RBFOX1: variants seen among roughly 807,000 people sequenced by gnomAD.
The protein encoded by RBFOX1 is RNA binding fox-1 homolog 1, also known as RNA binding protein fox-1 homolog 1.
A neutral mutation model predicts 57.7 loss-of-function variants in RBFOX1; 8 were observed. The ratio of observed to expected loss-of-function variants is 0.14; its 90% CI spans 0.08 to 0.25. The LOEUF is 0.25. Ranked by LOEUF, RBFOX1 falls within the 10% of genes least tolerant of loss-of-function variation. The pLI is 1.00. For missense variants in RBFOX1, 611 were observed against 548.5 expected (o/e 1.11, Z -1.14); for synonymous variants, 326 against 222.4 (o/e 1.47, Z -4.15).
At chr16:7,466,164 A>G (rs1376273497) in intron 4 of RBFOX1, among the ~76,000 whole-genome samples, 2 of 152,222 alleles carry the variant, frequency 1.3e-5, no homozygotes, top group Non-Finnish European at 2.9e-5. Context: ...ATAGGATTCA[A>G]CTGCCAAAAA....
At chr16:6,997,591 A>G (rs994829222) in intron 3 of RBFOX1, among the ~76,000 whole-genome samples, 4 of 152,208 alleles carry the variant, frequency 2.6e-5, no homozygotes, top group African/African-American at 9.6e-5. Flanking sequence ...GATACAAAAG[A>G]TAGACTGCGT....
intron 2 of RBFOX1, among the ~76,000 whole-genome samples, chr16:6,464,543 C>T (rs1236378203): frequency 6.6e-6 from 1 of 152,202 alleles, no homozygotes; most frequent in Non-Finnish European, 1.5e-5. Flanking sequence ...TCTAGTTATG[C>T]ATTTGCCTGA....
intron 3 of RBFOX1, among the ~76,000 whole-genome samples, chr16:5,766,941 A>G (rs2053802295): frequency 6.6e-6 from 1 of 152,238 alleles, no homozygotes; most frequent in Non-Finnish European, 1.5e-5. Context: ...TACTTCTTGC[A>G]AATAATGAGC....
At chr16:6,954,209 G>C (rs1388664880) in intron 3 of RBFOX1, among the ~76,000 whole-genome samples, 1 of 152,084 alleles carries the variant, frequency 6.6e-6, no homozygotes, top group African/African-American at 2.4e-5. Flanking sequence ...TGTAAAAAGA[G>C]AGTGGCAAAT....
chr16:5,363,706 C>G (rs1175466969), intron 1 of RBFOX1, among the ~76,000 whole-genome samples: 1 of 152,196 alleles, frequency 6.6e-6, no homozygotes, highest in Non-Finnish European at 1.5e-5. Flanking sequence ...TTGTCTGTCT[C>G]CTACACCCCC....
intron 4 of RBFOX1, among the ~76,000 whole-genome samples, chr16:7,306,450 T>C (rs2096188738): frequency 1.3e-5 from 2 of 152,162 alleles, no homozygotes; most frequent in Admixed American, 1.3e-4. Flanking sequence ...TGGTTCCATA[T>C]GAAGATAGAT....
chr16:5,765,285 G>T (rs185981764), intron 3 of RBFOX1, among the ~76,000 whole-genome samples: 4 of 152,268 alleles, frequency 2.6e-5, no homozygotes, highest in Middle Eastern at 3.4e-3. Flanking sequence ...CACTCCCCCA[G>T]TCTAAGACAA....
intron 1 of RBFOX1, among the ~76,000 whole-genome samples, chr16:6,093,959 C>T (rs760235087): frequency 5.3e-5 from 8 of 152,116 alleles, no homozygotes; most frequent in South Asian, 4.1e-4. Flanking sequence ...CTCTTCTGCC[C>T]GCCCCTGCTG....
chr16:5,359,789 G>C (rs1919047), intron 1 of RBFOX1, among the ~76,000 whole-genome samples: 4 of 152,126 alleles, frequency 2.6e-5, no homozygotes, highest in Non-Finnish European at 5.9e-5. Flanking sequence ...ATGAATTTTC[G>C]GGGAGTCATA....
At chr16:7,544,280 G>A (rs2083797641) in intron 5 of RBFOX1, among the ~76,000 whole-genome samples, 1 of 152,216 alleles carries the variant, frequency 6.6e-6, no homozygotes, top group Non-Finnish European at 1.5e-5. Flanking sequence ...AGGTCATTGT[G>A]TGTCTGATTA....
intron 3 of RBFOX1, among the ~76,000 whole-genome samples, chr16:6,776,542 T>C (rs79268088): frequency 0.021 from 3,224 of 152,202 alleles, 80 homozygotes; most frequent in African/African-American, 0.062. Flanking sequence ...TTACAGAGCT[T>C]GATCAAGTCT....
At position 6,619,592 on chromosome 16, in the gene RBFOX1, G is replaced by A. The variant is rs140605901; in HGVS notation, c.-63-35011G>A. Among the ~76,000 whole-genome samples, 200 of 151,452 alleles carry A rather than the reference G, an allele frequency of 1.3e-3. 2 individuals carry two copies. The highest frequency in any genetic ancestry group is 7.1e-3 in the South Asian group (34 of 4,784). ...TTATTCATTCTCATGAAACCTATGC[G>A]TCTAAGGGTAGGAGACTGCCTTTTT... On this transcript the variant is annotated intron_variant, in intron 2 of 15. Transcript: ENST00000550418.
intron 2 of RBFOX1, among the ~76,000 whole-genome samples, chr16:6,625,899 T>C (rs1022048266): frequency 1.2e-4 from 18 of 152,188 alleles, no homozygotes; most frequent in African/African-American, 4.3e-4. Context: ...CAGGTAGAAA[T>C]TAGCTCTGAT....
chr16:5,395,166 G>T (rs1167531224), intron 1 of RBFOX1, among the ~76,000 whole-genome samples: 1 of 152,176 alleles, frequency 6.6e-6, no homozygotes, highest in Non-Finnish European at 1.5e-5. Flanking sequence ...CAGCATCCCA[G>T]AGCACTGCAC....
intron 3 of RBFOX1, among the ~76,000 whole-genome samples, chr16:6,839,295 A>C (rs530323808): frequency 1.6e-4 from 24 of 152,122 alleles, no homozygotes; most frequent in Non-Finnish European, 3.2e-4. Flanking sequence ...CATCATTTTC[A>C]ACATAGCTGC....
intron 1 of RBFOX1, among the ~76,000 whole-genome samples, chr16:6,086,460 TGA>T (rs2096085739): frequency 6.6e-6 from 1 of 151,890 alleles, no homozygotes; most frequent in South Asian, 2.1e-4. Context: ...CAGCACTGTC[TGA>T]GAGTTCCTGT....
intron 14 of RBFOX1, among the ~76,000 whole-genome samples, chr16:7,681,322 T>A (rs2146723115): frequency 1.3e-5 from 2 of 152,288 alleles, no homozygotes; most frequent in African/African-American, 4.8e-5. Context: ...ACCATCTTTC[T>A]GCCCTCTAAT....
intron 3 of RBFOX1, among the ~76,000 whole-genome samples, chr16:6,936,765 C>G (rs1002700697): frequency 2.0e-5 from 3 of 151,898 alleles, no homozygotes; most frequent in African/African-American, 4.8e-5. Flanking sequence ...ATTGGTAATT[C>G]AAAGCAGATA....
chr16:6,891,313 G>C (rs1182422507), intron 3 of RBFOX1, among the ~76,000 whole-genome samples: 6 of 152,186 alleles, frequency 3.9e-5, no homozygotes, highest in African/African-American at 1.4e-4. Flanking sequence ...TCTCTAAAGA[G>C]GAAAATGAAA....
Sources: allele counts gnomAD v4.1 joint callset (sites outside exome capture counted in the v4.1 genomes callset), GRCh38; gene constraint gnomAD v4.1.1; transcripts MANE v1.5; gene names NCBI Gene and HGNC (gene_info 2026-07-23, HGNC 2026-07-21).